The following ADAM19 variants were observed in gnomAD, a reference collection of about 807,000 sequenced individuals.
The protein encoded by ADAM19 is ADAM metallopeptidase domain 19, also known as disintegrin and metalloproteinase domain-containing protein 19.
Under a neutral mutation model 114.7 loss-of-function variants are expected in ADAM19, and 65 were observed. The observed-to-expected ratio is 0.57, with a 90% CI of 0.46 to 0.70. ADAM19 has a LOEUF of 0.70. ADAM19 is among the 30% of genes least tolerant of loss of function. ADAM19 has a pLI of 0.00. For synonymous variants in ADAM19, 466 were observed against 460.5 expected, an observed-to-expected ratio of 1.01 and a Z score of -0.15; for missense variants, 1,063 against 1,204.7, an observed-to-expected ratio of 0.88 and a Z score of 1.74.
Position 157,509,302 on chromosome 5 carries a change from T to A in ADAM19, c.904A>T (p.Thr302Ser), listed in dbSNP as rs1184384203. Residue 302 changes from threonine (T) to serine (S), a missense_variant and splice_region_variant, in exon 9 of 23, where the codon ACG becomes TCG. By Grantham distance (58) the Thr-to-Ser change is moderately conservative. Coordinates refer to ENST00000257527, the MANE Select transcript of ADAM19 (RefSeq NM_033274.5). ...AACATATGGAAAAAGGCTATTTACGTGATTAATTGGGCGTTGTCATGGTAC... is the reference window on the plus strand; with the variant it reads ...AACATATGGAAAAAGGCTATTTACGAGATTAATTGGGCGTTGTCATGGTAC... ...QKYHDNAQLI[T>S]GMSFHGTTIG... The A allele has an allele frequency of 2.5e-6, 4 of 1,605,474 alleles. No individual in the cohort carries two copies. The highest frequency in any genetic ancestry group is 1.7e-4 in the Middle Eastern group (1 of 6,018).
intron 3 of ADAM19, among the ~76,000 whole-genome samples, chr5:157,559,740 C>T (rs1757461293): frequency 6.6e-6 from 1 of 152,170 alleles, no homozygotes; most frequent in Non-Finnish European, 1.5e-5. Flanking sequence ...GTGGGTTGTG[C>T]AAACAGCAGT....
chr5:157,514,187 G>A (rs1000356371), intron 7 of ADAM19, among the ~76,000 whole-genome samples: 13 of 152,174 alleles, frequency 8.5e-5, no homozygotes, highest in Admixed American at 5.9e-4. Context: ...TCATGTGAAT[G>A]ACATGAGTGC....
At chr5:157,522,492 T>C (rs568231213) in intron 5 of ADAM19, among the ~76,000 whole-genome samples, 1 of 152,280 alleles carries the variant, frequency 6.6e-6, no homozygotes, top group African/African-American at 2.4e-5. Context: ...TCAATCATGA[T>C]AGTCCTGTAG....
At position 157,481,837 on chromosome 5, in the gene ADAM19, C is replaced by A; in HGVS notation, c.2657G>T (p.Gly886Val). The change falls in exon 22 of 23, where the codon GGT becomes GTT. Residue 886 changes from glycine to valine, a missense_variant. Physicochemically the swap from Gly to Val is moderately radical, Grantham distance 109. Coordinates refer to ENST00000257527, the MANE Select transcript of ADAM19 (RefSeq NM_033274.5). ...AGGCCGGGACTGCTGAGGGCCAGCA[C>A]CAGGGGGCCGCAGTGGGGATGCACC... The part of the protein sequence containing the change: ...PGGASPLRPP[G>V]AGPQQSRPLA... 6.3e-7 allele frequency: 1 copy of A among 1,583,094 alleles called. No homozygotes were observed. Among genetic ancestry groups the A allele is most frequent in the South Asian group, 1.2e-5 (1 of 86,714 alleles).
chr5:157,570,503 G>C (rs563820338), intron 2 of ADAM19: 1 of 165,942 alleles, frequency 6.0e-6, no homozygotes, highest in East Asian at 1.8e-4. Context: ...ATAGTTTATA[G>C]TTTATATTAT....
chr5:157,481,155 C>A (rs1581280127), intron 22 of ADAM19, 153 bp from the exon 23 acceptor site: 4 of 986,534 alleles, frequency 4.1e-6, no homozygotes, highest in Non-Finnish European at 6.0e-6. Flanking sequence ...GTCCACTCAC[C>A]CAGACCATCA....
At chr5:157,552,765 C>G (rs1757239502) in intron 3 of ADAM19, among the ~76,000 whole-genome samples, 1 of 151,074 alleles carries the variant, frequency 6.6e-6, no homozygotes, top group African/African-American at 2.4e-5. Context: ...TTTACAATAG[C>G]CAAGATTTGG....
chr5:157,528,228 G>A (rs1346257791), intron 5 of ADAM19, among the ~76,000 whole-genome samples: 1 of 152,220 alleles, frequency 6.6e-6, no homozygotes, highest in African/African-American at 2.4e-5. Flanking sequence ...TAAGGCGTGT[G>A]TAGTGAGAAG....
intron 14 of ADAM19, among the ~76,000 whole-genome samples, chr5:157,495,695 A>G (rs1358574840): frequency 2.0e-5 from 3 of 152,072 alleles, no homozygotes; most frequent in Non-Finnish European, 4.4e-5. Context: ...ATGCAGTGGC[A>G]CAATCTCAGC....
Position 157,497,065 on chromosome 5 carries a change from G to T in ADAM19, c.1423C>A (p.Arg475Ser). 6.5e-7 allele frequency: 1 copy of T among 1,538,334 alleles called. No homozygotes were observed. Among genetic ancestry groups the T allele is most frequent in the Non-Finnish European group, 8.7e-7 (1 of 1,149,238 alleles). ...AGGTCACACTGCCTGGCCTGCTCGC[G>T]GCACAGGGTCCCAGGAGCCAACAGC... ...CKLLAPGTLCREQARQCDLPE... is the reference protein window; with the variant it reads ...CKLLAPGTLCSEQARQCDLPE... The change falls in exon 14 of 23, where the codon CGC becomes AGC. Residue 475 changes from arginine (R) to serine (S), a missense_variant. Physicochemically the swap from Arg to Ser is moderately radical, Grantham distance 110 (BLOSUM62 -1). This residue lies in a region of ADAM19 where 615 missense variants were observed against 706.3 expected (regional missense o/e 0.87). Coordinates refer to ENST00000257527, the MANE Select transcript of ADAM19 (RefSeq NM_033274.5).
Position 157,493,060 on chromosome 5 carries a change from G to C in ADAM19, c.1821C>G (p.Gly607=). The C allele has an allele frequency of 6.2e-7, 1 of 1,614,240 alleles. No homozygotes were observed. The highest frequency in any genetic ancestry group is 8.5e-7 in the Non-Finnish European group (1 of 1,180,044). The change falls in exon 16 of 23, where the codon GGC becomes GGG. Residue 607 remains glycine, a synonymous_variant. Transcript: ENST00000257527. ...CCTCAGGACCTCGGTAGACGTGGGT[G>C]CCCCGGCACTGGATCTGCCTCCCAT... ...IMNGRQIQCR[G]THVYRGPEEE...
chr5:157,539,173 G>A (rs1756848240), intron 3 of ADAM19, among the ~76,000 whole-genome samples: 1 of 151,086 alleles, frequency 6.6e-6, no homozygotes, highest in South Asian at 2.1e-4. Context: ...AAAAAAAAGA[G>A]AGAGAGAAAC....
Position 157,479,332 on chromosome 5 carries a change from G to A in ADAM19, c.*1617C>T, listed in dbSNP as rs559773278. The stretch of plus-strand genomic sequence containing the variant: ...AACTATAAGGAGGCCCTGGGGTGGT[G>A]AATCAGAAGCTCAGCCTCAGCCTTG... On this transcript the variant is annotated 3_prime_UTR_variant, in exon 23 of 23. Transcript: ENST00000257527. 72 of 985,994 alleles carry A rather than the reference G, an allele frequency of 7.3e-5. No individual in the cohort carries two copies. In the South Asian group the frequency reaches 2.8e-3, roughly 39 times the overall value. The allele number at this position is 985,994 out of a possible 1,614,324, so 61.1% of individuals were successfully genotyped here.
At chr5:157,508,759 C>G (rs1283130986) in intron 9 of ADAM19, among the ~76,000 whole-genome samples, 2 of 152,194 alleles carry the variant, frequency 1.3e-5, no homozygotes, top group African/African-American at 4.8e-5. Flanking sequence ...CTCTCCCAGG[C>G]TGATGAAAAT....
At chr5:157,496,096 T>C (rs189246535) in intron 14 of ADAM19, among the ~76,000 whole-genome samples, 4 of 151,734 alleles carry the variant, frequency 2.6e-5, no homozygotes, top group East Asian at 3.9e-4. Context: ...CAAGCCACCA[T>C]ATCAGCCACC....
At chr5:157,481,394 G>A in intron 22 of ADAM19, 1 of 602,290 alleles carries the variant, frequency 1.7e-6, no homozygotes, top group Non-Finnish European at 2.9e-6. Flanking sequence ...GGGGCCAAGT[G>A]TACACAGCCT....
intron 3 of ADAM19, among the ~76,000 whole-genome samples, chr5:157,548,289 CT>C (rs1282491676): frequency 6.6e-6 from 1 of 152,188 alleles, no homozygotes; most frequent in African/African-American, 2.4e-5. Context: ...GTTTAATTAT[CT>C]GTCCCCTCTA....
chr5:157,567,721 C>T (rs1191524780), intron 2 of ADAM19, among the ~76,000 whole-genome samples: 1 of 151,912 alleles, frequency 6.6e-6, no homozygotes, highest in African/African-American at 2.4e-5. Context: ...CGCTTGAACC[C>T]AGGAGGCAGA....
Position 157,479,826 on chromosome 5 carries a change from G to A in ADAM19, c.*1123C>T. On this transcript the variant is annotated 3_prime_UTR_variant, in exon 23 of 23. Coordinates refer to ENST00000257527, the MANE Select transcript of ADAM19 (RefSeq NM_033274.5). ...CGGTCCAGCCCGAAGTCAATGACCA[G>A]CCTGCTCCCTCGTGTGTACTTTGTA... 1.0e-6 allele frequency: 1 copy of A among 985,604 alleles called. No homozygotes were observed. The highest frequency in any genetic ancestry group is 1.2e-6 in the Non-Finnish European group (1 of 830,026). 61.1% of individuals were successfully genotyped at this position (985,604 alleles called of 1,614,324 possible).
Sources: allele counts gnomAD v4.1 joint callset (sites outside exome capture counted in the v4.1 genomes callset), GRCh38; gene constraint gnomAD v4.1.1; regional missense constraint gnomAD v4.1.1; transcripts MANE v1.5; gene names NCBI Gene and HGNC (gene_info 2026-07-23, HGNC 2026-07-21).